Variants in CRLF3 observed in about 807,000 individuals in gnomAD.
CRLF3 encodes the protein cytokine receptor-like factor 3.
In CRLF3, 33 loss-of-function variants were observed where a neutral mutation model predicts 55.0. The observed-to-expected ratio is 0.60, with a 90% CI of 0.46 to 0.80. The LOEUF (loss-of-function observed/expected upper bound fraction) is 0.80, where lower values mean the gene tolerates loss of function less well. Ranked by LOEUF, CRLF3 falls within the 30% of genes least tolerant of loss-of-function variation. The pLI is 0.00. For missense variants in CRLF3, 494 were observed against 538.4 expected (o/e 0.92, Z 0.82); for synonymous variants, 238 against 196.8 (o/e 1.21, Z -1.75).
intron 4 of CRLF3, among the ~76,000 whole-genome samples, chr17:30,795,653 A>C (rs75914171): frequency 2.0e-5 from 3 of 150,692 alleles, no homozygotes; most frequent in African/African-American, 7.3e-5. Context: ...TAAAAAAAAA[A>C]GGCCAGGCAC....
chr17:30,790,390 T>G (rs1487809088), intron 6 of CRLF3, among the ~76,000 whole-genome samples: 1 of 151,950 alleles, frequency 6.6e-6, no homozygotes, highest in Non-Finnish European at 1.5e-5. Flanking sequence ...AAAGAATACA[T>G]CTCAGATAAC....
chr17:30,822,547 A>G (rs568050656), intron 1 of CRLF3, among the ~76,000 whole-genome samples: 1 of 152,336 alleles, frequency 6.6e-6, no homozygotes, highest in Admixed American at 6.5e-5. Flanking sequence ...GCCCAAGACA[A>G]TGGGCCTCAA....
At chr17:30,787,552 G>T (rs1971676779) in intron 6 of CRLF3, 1 of 142,994 alleles carries the variant, frequency 7.0e-6, no homozygotes, top group Non-Finnish European at 1.5e-5. Context: ...AAAAATTAGT[G>T]TGAAACAAAA....
chr17:30,790,773 C>T (rs1327636798), intron 6 of CRLF3: 1 of 151,952 alleles, frequency 6.6e-6, no homozygotes, highest in Non-Finnish European at 1.5e-5. Flanking sequence ...CACCTCACCA[C>T]ACCCAGCTAA....
chr17:30,817,646 G>C (rs1028985247), intron 1 of CRLF3, among the ~76,000 whole-genome samples: 1 of 152,028 alleles, frequency 6.6e-6, no homozygotes, highest in Non-Finnish European at 1.5e-5. Context: ...GGTGGCTCAA[G>C]CCTGTAATCC....
Position 30,804,125 on chromosome 17 carries a change from A to G in CRLF3, c.130-17T>C. ...TTCTTTGATCTAAAAAGAAATAACA[A>G]AATACTCAAAATCAGAATCTTTAAA... On this transcript the variant is annotated splice_polypyrimidine_tract_variant and intron_variant, in intron 1 of 7. Transcript: ENST00000324238. 6.4e-7 allele frequency: 1 copy of G among 1,559,824 alleles called. No individual in the cohort carries two copies. The highest frequency in any genetic ancestry group is 8.8e-7 in the Non-Finnish European group (1 of 1,132,896).
chr17:30,811,576 G>A (rs981243558), intron 1 of CRLF3, among the ~76,000 whole-genome samples: 11 of 151,912 alleles, frequency 7.2e-5, no homozygotes, highest in Non-Finnish European at 1.5e-4. Flanking sequence ...GGCTGAGGCA[G>A]TTGAATCACG....
chr17:30,791,586 C>T (rs1157380641), intron 6 of CRLF3, among the ~76,000 whole-genome samples: 6 of 148,700 alleles, frequency 4.0e-5, no homozygotes, highest in African/African-American at 1.2e-4. Context: ...GGCGTGATCT[C>T]GGCTCACTGC....
chr17:30,796,371 C>G, intron 3 of CRLF3, 34 bp from the exon 4 acceptor site: 5 of 1,515,906 alleles, frequency 3.3e-6, no homozygotes, highest in Non-Finnish European at 4.5e-6. Flanking sequence ...TATGAGACCT[C>G]TAACTGAGAG....
At chr17:30,824,414 C>G in intron 1 of CRLF3, 109 bp downstream of exon 1, 1 of 1,164,812 alleles carries the variant, frequency 8.6e-7, no homozygotes, top group Non-Finnish European at 1.2e-6. Context: ...TGCCTCTTCC[C>G]TACTCCAGAG....
In CRLF3 at chr17:30,816,691, A is replaced by G. The variant is rs577678856; in HGVS notation, c.129+7832T>C. 3.3e-5 allele frequency among the ~76,000 whole-genome samples: 5 copies of G among 151,838 alleles called. No individual in the cohort carries two copies. In the East Asian group the frequency reaches 7.8e-4, roughly 24 times the overall value. Reference sequence around the variant, plus strand: ...TCTTTGTGGAGATGGGGGTCTCCCTATATTGCCCAGACTGGTCTCAAACTT... The same window carrying G: ...TCTTTGTGGAGATGGGGGTCTCCCTGTATTGCCCAGACTGGTCTCAAACTT... On this transcript the variant is annotated intron_variant, in intron 1 of 7. Coordinates refer to ENST00000324238, the MANE Select transcript of CRLF3 (RefSeq NM_015986.4).
At chr17:30,794,714 C>A (rs1019441886) in intron 4 of CRLF3, among the ~76,000 whole-genome samples, 3 of 152,188 alleles carry the variant, frequency 2.0e-5, no homozygotes, top group African/African-American at 7.2e-5. Context: ...GGGAGGATCA[C>A]TTGAGCCCAG....
At chr17:30,785,878 T>C (rs373630939) in intron 7 of CRLF3, 41 bp downstream of exon 7, 12 of 1,028,256 alleles carry the variant, frequency 1.2e-5, no homozygotes, top group Non-Finnish European at 1.7e-5. Context: ...ACTAAAATAA[T>C]TAATATATTT....
chr17:30,788,700 T>C (rs1329669322), intron 6 of CRLF3, among the ~76,000 whole-genome samples: 7 of 142,376 alleles, frequency 4.9e-5, no homozygotes, highest in African/African-American at 1.6e-4. Context: ...CTCCGCCTCC[T>C]GGGTTCAAGC....
chr17:30,802,829 T>C (rs188235626), intron 2 of CRLF3, among the ~76,000 whole-genome samples: 6 of 152,220 alleles, frequency 3.9e-5, no homozygotes, highest in South Asian at 2.1e-4. Flanking sequence ...TTGGCAAAGA[T>C]AGGAGTAAAC....
chr17:30,815,976 TA>T (rs527247079), intron 1 of CRLF3, among the ~76,000 whole-genome samples: 419 of 135,750 alleles, frequency 3.1e-3, no homozygotes, highest in Admixed American at 3.6e-3. Flanking sequence ...AATAAAAAGT[TA>T]AAAAAAAAAA....
chr17:30,813,680 GC>G (rs1031204584), intron 1 of CRLF3, among the ~76,000 whole-genome samples: 1 of 151,688 alleles, frequency 6.6e-6, no homozygotes, highest in Non-Finnish European at 1.5e-5. Context: ...GTATACATCT[GC>G]CATGTTGGTA....
Position 30,824,692 on chromosome 17 carries a change from T to A in CRLF3, c.-41A>T. The A allele has an allele frequency of 1.3e-6, 2 of 1,546,926 alleles. No individual in the cohort carries two copies. Among genetic ancestry groups the A allele is most frequent in the Non-Finnish European group, 1.7e-6 (2 of 1,152,848 alleles). On this transcript the variant is annotated 5_prime_UTR_variant, in exon 1 of 8. Coordinates refer to ENST00000324238, the MANE Select transcript of CRLF3 (RefSeq NM_015986.4). ...GCGAAACCTAGCGCGGGTTCCCGAC[T>A]GCACCGGGCGCCTCCAAGCGGCCCG... is the stretch of plus-strand genomic sequence containing the variant.
intron 1 of CRLF3, among the ~76,000 whole-genome samples, chr17:30,807,353 T>G (rs1049367559): frequency 2.0e-5 from 3 of 151,842 alleles, no homozygotes; most frequent in Non-Finnish European, 2.9e-5. Flanking sequence ...AACTTTCTAT[T>G]TATTCTCTAA....
Sources: allele counts gnomAD v4.1 joint callset (sites outside exome capture counted in the v4.1 genomes callset), GRCh38; gene constraint gnomAD v4.1.1; transcripts MANE v1.5; gene names NCBI Gene and HGNC (gene_info 2026-07-23, HGNC 2026-07-21).